PLCB4: variants seen among roughly 807,000 people sequenced by gnomAD.
The protein encoded by PLCB4 is phospholipase C beta 4.
In PLCB4, 77 loss-of-function variants were observed where a neutral mutation model predicts 178.8. The ratio of observed to expected loss-of-function variants is 0.43; its 90% CI spans 0.36 to 0.52. PLCB4 has a LOEUF of 0.52. PLCB4 is among the 20% of genes least tolerant of loss of function. The probability of loss-of-function intolerance (pLI) is 0.00; values close to 1 mark genes in which losing one functional copy is unlikely to be tolerated. For synonymous variants in PLCB4, 496 were observed against 490.8 expected (o/e 1.01, Z -0.14); for missense variants, 1,024 against 1,453.4 (o/e 0.70, Z 4.80).
intron 3 of PLCB4, among the ~76,000 whole-genome samples, chr20:9,293,293 A>G (rs1306738845): frequency 6.7e-6 from 1 of 148,594 alleles, no homozygotes; most frequent in Non-Finnish European, 1.5e-5. Flanking sequence ...AAGGGAAAGA[A>G]AGAAGTCACT....
intron 17 of PLCB4, among the ~76,000 whole-genome samples, chr20:9,391,782 C>T (rs2038166437): frequency 6.6e-6 from 1 of 152,158 alleles, no homozygotes; most frequent in Non-Finnish European, 1.5e-5. Flanking sequence ...ACCAGCAGTG[C>T]CAGGGAATTA....
At chr20:9,167,984 T>C (rs1200265954) in intron 2 of PLCB4, among the ~76,000 whole-genome samples, 1 of 152,314 alleles carries the variant, frequency 6.6e-6, no homozygotes, top group East Asian at 1.9e-4. Context: ...TCTATGGCAA[T>C]TTTTAAGGGT....
chr20:9,389,559 G>T (rs1339769108), intron 15 of PLCB4, among the ~76,000 whole-genome samples: 1 of 152,222 alleles, frequency 6.6e-6, no homozygotes, highest in Non-Finnish European at 1.5e-5. Context: ...AAGAAGAAAG[G>T]TGGACTCTGA....
intron 2 of PLCB4, among the ~76,000 whole-genome samples, chr20:9,188,770 C>G (rs1308428905): frequency 4.6e-5 from 6 of 131,332 alleles, no homozygotes; most frequent in Admixed American, 2.9e-4. Flanking sequence ...CATATAGTGA[C>G]ATTCTGGGTT....
chr20:9,332,242 G>T (rs182620814), intron 4 of PLCB4, among the ~76,000 whole-genome samples: 1 of 152,218 alleles, frequency 6.6e-6, no homozygotes, highest in African/African-American at 2.4e-5. Flanking sequence ...CTGACAATGG[G>T]ACTTCACAAT....
At chr20:9,394,410 G>A (rs144118178) in intron 18 of PLCB4, among the ~76,000 whole-genome samples, 5 of 152,064 alleles carry the variant, frequency 3.3e-5, no homozygotes, top group African/African-American at 9.6e-5. Flanking sequence ...ACACATGTAC[G>A]TAATGTACAT....
chr20:9,165,638 A>G (rs2092956669), intron 2 of PLCB4, among the ~76,000 whole-genome samples: 1 of 152,236 alleles, frequency 6.6e-6, no homozygotes, highest in African/African-American at 2.4e-5. Context: ...GAAATCCTGC[A>G]GAATAGAATT....
chr20:9,478,230 TGAC>T (rs150763652), intron 39 of PLCB4, among the ~76,000 whole-genome samples: 2,958 of 152,246 alleles, frequency 0.019, 44 homozygotes, highest in South Asian at 0.037. Context: ...GTTTTCTTAG[TGAC>T]AATCTGAACT....
intron 1 of PLCB4, among the ~76,000 whole-genome samples, chr20:9,090,298 AG>A: frequency 6.6e-6 from 1 of 151,888 alleles, no homozygotes; most frequent in Non-Finnish European, 1.5e-5. Context: ...TGAAGAAAAA[AG>A]GATTTGTTTA....
intron 3 of PLCB4, among the ~76,000 whole-genome samples, chr20:9,235,706 G>A (rs1235798221): frequency 6.6e-6 from 1 of 152,200 alleles, no homozygotes; most frequent in Non-Finnish European, 1.5e-5. Flanking sequence ...GACACCAGCT[G>A]GTTTACATCA....
intron 4 of PLCB4, among the ~76,000 whole-genome samples, chr20:9,327,372 A>G (rs2030801202): frequency 6.6e-6 from 1 of 151,948 alleles, no homozygotes; most frequent in African/African-American, 2.4e-5. Flanking sequence ...GCTTGAGCGC[A>G]GGAGTTTGAG....
At chr20:9,088,958 CAT>C (rs2090559751) in intron 1 of PLCB4, among the ~76,000 whole-genome samples, 1 of 151,568 alleles carries the variant, frequency 6.6e-6, no homozygotes. Context: ...AGAGAAATGA[CAT>C]AATGATGTCA....
At chr20:9,472,303 G>A (rs2044245901) in intron 36 of PLCB4, among the ~76,000 whole-genome samples, 1 of 152,156 alleles carries the variant, frequency 6.6e-6, no homozygotes, top group South Asian at 2.1e-4. Flanking sequence ...GTCACTAAGG[G>A]GAAGGCACAA....
chr20:9,462,627 C>T (rs1441688763), intron 35 of PLCB4, among the ~76,000 whole-genome samples: 1 of 152,120 alleles, frequency 6.6e-6, no homozygotes, highest in Non-Finnish European at 1.5e-5. Flanking sequence ...CATGCACAAG[C>T]TTCAATAGCT....
chr20:9,275,448 T>C (rs890051564), intron 3 of PLCB4, among the ~76,000 whole-genome samples: 2 of 151,988 alleles, frequency 1.3e-5, no homozygotes, highest in African/African-American at 4.8e-5. Flanking sequence ...CAGCATTACC[T>C]GGTGGGGAGG....
intron 1 of PLCB4, among the ~76,000 whole-genome samples, chr20:9,076,640 A>G (rs1380688740): frequency 6.6e-6 from 1 of 152,192 alleles, no homozygotes; most frequent in Non-Finnish European, 1.5e-5. Context: ...TATAGAATAC[A>G]GATCTGTTCC....
intron 1 of PLCB4, among the ~76,000 whole-genome samples, chr20:9,080,104 T>G (rs2146509736): frequency 6.6e-6 from 1 of 152,286 alleles, no homozygotes; most frequent in South Asian, 2.1e-4. Context: ...TAACAGTAAT[T>G]TTCCTTCAAG....
intron 2 of PLCB4, among the ~76,000 whole-genome samples, chr20:9,104,385 C>T (rs1359107377): frequency 1.3e-5 from 2 of 152,114 alleles, no homozygotes; most frequent in African/African-American, 4.8e-5. Context: ...AGTCAAGCAG[C>T]CACAAAGCCT....
chr20:9,247,066 A>C (rs1323050721), intron 3 of PLCB4, among the ~76,000 whole-genome samples: 3 of 152,204 alleles, frequency 2.0e-5, no homozygotes, highest in African/African-American at 7.2e-5. Context: ...AGTACCCAGC[A>C]TATTAAGATA....
Sources: allele counts gnomAD v4.1 joint callset (sites outside exome capture counted in the v4.1 genomes callset), GRCh38; gene constraint gnomAD v4.1.1; transcripts MANE v1.5; gene names NCBI Gene and HGNC (gene_info 2026-07-23, HGNC 2026-07-21).